The following MGAT4C variants were observed in gnomAD, a reference collection of about 807,000 sequenced individuals.
The protein encoded by MGAT4C is alpha-1,3-mannosyl-glycoprotein 4-beta-N-acetylglucosaminyltransferase C.
Under a neutral mutation model 40.1 loss-of-function variants are expected in MGAT4C, and 19 were observed. That is an observed-to-expected ratio of 0.47 (90% CI 0.33 to 0.70). The LOEUF (loss-of-function observed/expected upper bound fraction) is 0.70. MGAT4C is among the 30% of genes least tolerant of loss of function. The probability of loss-of-function intolerance (pLI) is 0.02; values close to 1 mark genes in which losing one functional copy is unlikely to be tolerated. For synonymous variants in MGAT4C, 181 were observed against 187.1 expected, an observed-to-expected ratio of 0.97 and a Z score of 0.27; for missense variants, 491 against 563.2, an observed-to-expected ratio of 0.87 and a Z score of 1.30.
intron 2 of MGAT4C, among the ~76,000 whole-genome samples, chr12:86,625,415 T>C (rs991188862): frequency 2.0e-5 from 3 of 152,084 alleles, no homozygotes; most frequent in South Asian, 4.1e-4. Flanking sequence ...AATAGAGATA[T>C]AGAAGTTATT....
Position 85,970,733 on chromosome 12 carries a change from C to A in MGAT4C, c.*8556G>T, listed in dbSNP as rs1370226472. On this transcript the variant is annotated 3_prime_UTR_variant, in exon 5 of 5. Coordinates refer to ENST00000611864, the MANE Select transcript of MGAT4C (RefSeq NM_001351288.2). ...TTTGCTTTGAAGTCAAATAGAGGAA[C>A]CTTAAATAATTTAAATAAAAATAAT... 1 of 150,998 alleles carries A rather than the reference C, an allele frequency of 6.6e-6. No individual in the cohort carries two copies. Among genetic ancestry groups the A allele is most frequent in the African/African-American group, 2.4e-5 (1 of 41,286 alleles). 9.4% of individuals were successfully genotyped at this position (150,998 alleles called of 1,614,324 possible). A position where few individuals can be genotyped will look rare whatever the true frequency, so the allele number is the denominator to read the frequency against.
chr12:86,774,333 T>G (rs1420802358), intron 1 of MGAT4C, among the ~76,000 whole-genome samples: 1 of 108,530 alleles, frequency 9.2e-6, no homozygotes, highest in Non-Finnish European at 1.9e-5. Flanking sequence ...CTTTCTTTCT[T>G]TCTTTCTGTC....
chr12:86,160,974 G>A (rs911093365), intron 1 of MGAT4C, among the ~76,000 whole-genome samples: 1 of 151,968 alleles, frequency 6.6e-6, no homozygotes, highest in East Asian at 1.9e-4. Flanking sequence ...CATTACATGT[G>A]AGATGAGTTT....
chr12:86,184,750 A>C (rs918274226), intron 1 of MGAT4C, among the ~76,000 whole-genome samples: 8 of 150,240 alleles, frequency 5.3e-5, no homozygotes, highest in East Asian at 1.9e-4. Context: ...AAAAAAAAAA[A>C]AAAAAAAAAA....
chr12:86,718,928 C>A (rs73391182), intron 2 of MGAT4C, among the ~76,000 whole-genome samples: 1 of 152,042 alleles, frequency 6.6e-6, no homozygotes, highest in African/African-American at 2.4e-5. Flanking sequence ...CTGCTCTACA[C>A]GGTGGCCTTA....
intron 4 of MGAT4C, among the ~76,000 whole-genome samples, chr12:86,292,782 C>T (rs977776292): frequency 6.6e-6 from 1 of 151,106 alleles, no homozygotes; most frequent in Non-Finnish European, 1.5e-5. Context: ...AAAATAAAAT[C>T]GCTGTTGTGA....
chr12:86,218,628 G>T (rs1950760865), intron 1 of MGAT4C, among the ~76,000 whole-genome samples: 2 of 152,092 alleles, frequency 1.3e-5, no homozygotes, highest in Admixed American at 6.5e-5. Context: ...CCATTTAACT[G>T]AGTAAGAATT....
intron 3 of MGAT4C, among the ~76,000 whole-genome samples, chr12:86,401,302 GTA>G (rs760420110): frequency 1.1e-4 from 16 of 148,862 alleles, no homozygotes; most frequent in Admixed American, 2.0e-4. Flanking sequence ...GTGTGTGTGT[GTA>G]TATATATATA....
intron 3 of MGAT4C, among the ~76,000 whole-genome samples, chr12:86,348,159 C>T (rs2141927): frequency 0.076 from 11,502 of 152,046 alleles, 1,040 homozygotes; most frequent in East Asian, 0.24. Context: ...ACTTATTGTT[C>T]GAAATCATTC....
chr12:86,293,682 A>T (rs900905145), intron 4 of MGAT4C, among the ~76,000 whole-genome samples: 1 of 152,142 alleles, frequency 6.6e-6, no homozygotes. Context: ...ACCTATCCAA[A>T]TCTTATCTTG....
rs766303226 is a variant in MGAT4C, at chr12:86,332,515, G to T, written c.-57+1550C>A. Among the ~76,000 whole-genome samples, 161 of 151,378 alleles carry T rather than the reference G, an allele frequency of 1.1e-3. 1 individual carries two copies. The highest frequency in any genetic ancestry group is 1.4e-3 in the Admixed American group (21 of 15,198). ...CATATTTTCCTTTTATATTCCTCTC[G>T]AATTCAAACCAATATCTATCTCATT... On this transcript the variant is annotated intron_variant, in intron 4 of 7. Transcript: ENST00000548651.
intron 1 of MGAT4C, among the ~76,000 whole-genome samples, chr12:86,205,359 A>AT (rs1329168331): frequency 6.6e-6 from 1 of 151,410 alleles, no homozygotes; most frequent in Non-Finnish European, 1.5e-5. Flanking sequence ...TTTTTCAGTG[A>AT]TTTTGTCACA....
At chr12:86,332,382 A>AT (rs971800303) in intron 4 of MGAT4C, among the ~76,000 whole-genome samples, 35 of 150,578 alleles carry the variant, frequency 2.3e-4, no homozygotes, top group Admixed American at 9.3e-4. Context: ...TGAAGAACGG[A>AT]TTTTTTTTTC....
intron 2 of MGAT4C, among the ~76,000 whole-genome samples, chr12:86,670,390 A>G (rs1350150956): frequency 6.6e-6 from 1 of 152,172 alleles, no homozygotes; most frequent in Non-Finnish European, 1.5e-5. Context: ...TTTAAAACAA[A>G]CAAACAAACA....
intron 2 of MGAT4C, among the ~76,000 whole-genome samples, chr12:86,527,701 T>C (rs556166439): frequency 3.9e-5 from 6 of 152,326 alleles, no homozygotes; most frequent in African/African-American, 1.4e-4. Context: ...TTCTTATACA[T>C]ATCTTCCACT....
At chr12:86,327,871 G>T (rs1047950798) in intron 4 of MGAT4C, among the ~76,000 whole-genome samples, 2 of 152,108 alleles carry the variant, frequency 1.3e-5, no homozygotes, top group African/African-American at 2.4e-5. Flanking sequence ...TGGGATCAAT[G>T]ATATTATTTA....
chr12:86,801,114 G>A lies in MGAT4C; in HGVS notation c.-262+37552C>T, dbSNP rs576112379. ...CTGCACTTATGGTTGCAACATAAGC[G>A]TGTGGTGTAAAGGCATTTGATTTAA... On this transcript the variant is annotated intron_variant, in intron 1 of 7. Coordinates refer to the MGAT4C transcript ENST00000548651. 2.2e-3 allele frequency among the ~76,000 whole-genome samples: 329 copies of A among 151,922 alleles called. 1 individual carries two copies. The highest frequency in any genetic ancestry group is 0.01 in the South Asian group (49 of 4,820).
chr12:86,417,634 G>A (rs1373862486), intron 3 of MGAT4C, among the ~76,000 whole-genome samples: 2 of 151,982 alleles, frequency 1.3e-5, no homozygotes, highest in East Asian at 3.9e-4. Flanking sequence ...TAAATGGTTG[G>A]CTTAATATTT....
In MGAT4C at chr12:86,376,218, C is replaced by CAA. The variant is rs1166300466; in HGVS notation, c.-119-42093_-119-42092dup. 1.6e-3 allele frequency among the ~76,000 whole-genome samples: 83 copies of CAA among 50,550 alleles called. 1 individual carries two copies. Among genetic ancestry groups the CAA allele is most frequent in the African/African-American group, 3.6e-3 (43 of 11,970 alleles). The allele number at this position is 50,550 out of a possible 152,430, so 33.2% of individuals were successfully genotyped here. A position where few individuals can be genotyped will look rare whatever the true frequency, so the allele number is the denominator to read the frequency against. On this transcript the variant is annotated intron_variant, in intron 3 of 7. Coordinates refer to the MGAT4C transcript ENST00000548651. Reference sequence around the variant, plus strand: ...TGAGAGACATGGAGATAACACATGTCAAAAAAAAAAAAAAAAAAAAAGAGC... The same window carrying CAA: ...TGAGAGACATGGAGATAACACATGTCAAAAAAAAAAAAAAAAAAAAAAAGAGC...
Sources: allele counts gnomAD v4.1 joint callset (sites outside exome capture counted in the v4.1 genomes callset), GRCh38; gene constraint gnomAD v4.1.1; transcripts MANE v1.5; gene names NCBI Gene and HGNC (gene_info 2026-07-23, HGNC 2026-07-21).